The following IQCM variants were observed in gnomAD, a reference collection of about 807,000 sequenced individuals.
IQCM encodes the protein IQ domain-containing protein M.
IQCM carries 45 observed loss-of-function variants against 57.6 expected under a neutral mutation model. That is an observed-to-expected ratio of 0.78 (90% CI 0.62 to 1.00). IQCM has a LOEUF of 1.00. Ranked by LOEUF, IQCM falls within the 50% of genes least tolerant of loss-of-function variation. The pLI, the probability that IQCM is intolerant of heterozygous loss-of-function variation, is 0.00. For missense variants in IQCM, 468 were observed against 511.6 expected, an observed-to-expected ratio of 0.91 and a Z score of 0.82; for synonymous variants, 148 against 158.9, an observed-to-expected ratio of 0.93 and a Z score of 0.51.
chr4:149,547,092 T>G (rs1052097162), intron 12 of IQCM, among the ~76,000 whole-genome samples: 5 of 152,080 alleles, frequency 3.3e-5, no homozygotes, highest in African/African-American at 7.2e-5. Flanking sequence ...TTTCCCCATT[T>G]CTTGTTTTTG....
intron 12 of IQCM, among the ~76,000 whole-genome samples, chr4:149,541,042 T>G (rs186346616): frequency 1.9e-4 from 29 of 152,270 alleles, no homozygotes; most frequent in Non-Finnish European, 2.1e-4. Flanking sequence ...TTTAAATCCC[T>G]TCCTAGATAA....
intron 13 of IQCM, among the ~76,000 whole-genome samples, chr4:149,418,316 A>G (rs2111204742): frequency 6.6e-6 from 1 of 152,256 alleles, no homozygotes; most frequent in African/African-American, 2.4e-5. Flanking sequence ...TAACACCTCT[A>G]TACAAATAAG....
At position 149,570,561 on chromosome 4, in the gene IQCM, T is replaced by C. The variant is rs1751057402; in HGVS notation, c.750-6671A>G. Among the ~76,000 whole-genome samples, 4 of 152,218 alleles carry C rather than the reference T, an allele frequency of 2.6e-5. No individual in the cohort carries two copies. The South Asian group carries it at 8.3e-4, about 31-fold the overall frequency. On this transcript the variant is annotated intron_variant, in intron 9 of 13. Coordinates refer to ENST00000636793, the MANE Select transcript of IQCM (RefSeq NM_001363507.2). ...TGGAAGAAGAAAATTGGATGATTCC[T>C]AATTCCTAACCTCAATGAAAAAACT...
intron 13 of IQCM, 102 bp downstream of exon 13, chr4:149,433,294 A>G: frequency 4.0e-6 from 2 of 504,464 alleles, no homozygotes; most frequent in African/African-American, 2.0e-5. Flanking sequence ...TATAAGATCT[A>G]TGTATCATCC....
chr4:149,353,048 A>G (rs748737167), intron 13 of IQCM, among the ~76,000 whole-genome samples: 13 of 152,188 alleles, frequency 8.5e-5, no homozygotes, highest in Non-Finnish European at 1.3e-4. Context: ...TTTCTGGGTT[A>G]ATGTATCTCC....
intron 12 of IQCM, among the ~76,000 whole-genome samples, chr4:149,512,114 G>A (rs1744487079): frequency 6.6e-6 from 1 of 152,138 alleles, no homozygotes; most frequent in East Asian, 1.9e-4. Context: ...TTGTTCATGG[G>A]CCACCTTGTG....
At chr4:149,669,200 T>C (rs1399154652) in intron 7 of IQCM, among the ~76,000 whole-genome samples, 1 of 152,194 alleles carries the variant, frequency 6.6e-6, no homozygotes, top group Non-Finnish European at 1.5e-5. Context: ...TATCTCGTTG[T>C]GGTTTTGATT....
At chr4:149,468,153 T>A (rs1220377493) in intron 12 of IQCM, among the ~76,000 whole-genome samples, 1 of 152,014 alleles carries the variant, frequency 6.6e-6, no homozygotes, top group Non-Finnish European at 1.5e-5. Flanking sequence ...AGACAGTGGA[T>A]GCAGCCCATG....
At chr4:149,432,830 C>T (rs1452730432) in intron 13 of IQCM, among the ~76,000 whole-genome samples, 1 of 151,890 alleles carries the variant, frequency 6.6e-6, no homozygotes, top group Non-Finnish European at 1.5e-5. Context: ...TTTGAATAGA[C>T]ACTTCAACAA....
intron 13 of IQCM, among the ~76,000 whole-genome samples, chr4:149,353,671 C>T (rs1202325790): frequency 1.3e-5 from 2 of 151,976 alleles, no homozygotes; most frequent in African/African-American, 2.4e-5. Flanking sequence ...GTGAAATAAG[C>T]CAGATACAGA....
chr4:149,419,209 G>C (rs1163847743), intron 13 of IQCM, among the ~76,000 whole-genome samples: 1 of 152,024 alleles, frequency 6.6e-6, no homozygotes, highest in African/African-American at 2.4e-5. Flanking sequence ...AAAGAACAAA[G>C]CTGGAGGCAT....
chr4:149,740,021 T>G (rs1767309313), intron 3 of IQCM, among the ~76,000 whole-genome samples: 1 of 152,188 alleles, frequency 6.6e-6, no homozygotes, highest in Non-Finnish European at 1.5e-5. Context: ...TAATTAGAAT[T>G]GTTGAGTAAG....
chr4:149,388,565 T>C (rs1731605289), intron 13 of IQCM, among the ~76,000 whole-genome samples: 1 of 132,042 alleles, frequency 7.6e-6, no homozygotes, highest in Non-Finnish European at 1.6e-5. Context: ...AATATATTTA[T>C]ATACATAAAT....
intron 3 of IQCM, among the ~76,000 whole-genome samples, chr4:149,740,150 T>C (rs957374457): frequency 1.3e-5 from 2 of 152,216 alleles, no homozygotes; most frequent in Non-Finnish European, 1.5e-5. Context: ...GCTACATTCT[T>C]CAGAGAGGCT....
intron 2 of IQCM, among the ~76,000 whole-genome samples, chr4:149,799,484 A>G (rs1773409483): frequency 6.6e-6 from 1 of 151,854 alleles, no homozygotes; most frequent in African/African-American, 2.4e-5. Flanking sequence ...AAAAATAAAG[A>G]TTAGAGCAGA....
intron 12 of IQCM, among the ~76,000 whole-genome samples, chr4:149,507,358 G>A (rs1743932905): frequency 6.6e-6 from 1 of 152,168 alleles, no homozygotes; most frequent in African/African-American, 2.4e-5. Flanking sequence ...GAAGAAGACA[G>A]GGAAATGTAA....
intron 12 of IQCM, among the ~76,000 whole-genome samples, chr4:149,465,571 C>T (rs4994345): frequency 0.6 from 90,850 of 151,812 alleles, 27,829 homozygotes; most frequent in African/African-American, 0.72. Context: ...ATCACCACCA[C>T]CACAACTGGG....
At chr4:149,677,399 T>C (rs1761838717) in intron 7 of IQCM, among the ~76,000 whole-genome samples, 1 of 152,046 alleles carries the variant, frequency 6.6e-6, no homozygotes. Context: ...CATTGGGACT[T>C]CCTGCACTTG....
chr4:149,690,735 G>C (rs926496161), intron 5 of IQCM: 3 of 152,060 alleles, frequency 2.0e-5, no homozygotes, highest in African/African-American at 7.2e-5. Context: ...CCGAGCAAAG[G>C]CTGTATTTAT....
Sources: allele counts gnomAD v4.1 joint callset (sites outside exome capture counted in the v4.1 genomes callset), GRCh38; gene constraint gnomAD v4.1.1; transcripts MANE v1.5; gene names NCBI Gene and HGNC (gene_info 2026-07-23, HGNC 2026-07-21).